DCLK3: variants seen among roughly 807,000 people sequenced by gnomAD.
DCLK3 encodes doublecortin like kinase 3.
In DCLK3, 30 loss-of-function variants were observed where a neutral mutation model predicts 46.4. The observed-to-expected ratio is 0.65, with a 90% confidence interval of 0.48 to 0.88. The LOEUF is 0.88. DCLK3 is among the 40% of genes least tolerant of loss of function. DCLK3 has a pLI of 0.00. For synonymous variants in DCLK3, 401 were observed against 339.2 expected (o/e 1.18, Z -2.00); for missense variants, 846 against 907.1 (o/e 0.93, Z 0.87).
intron 2 of DCLK3, among the ~76,000 whole-genome samples, chr3:36,735,471 T>C (rs1003075748): frequency 6.6e-6 from 1 of 152,226 alleles, no homozygotes; most frequent in African/African-American, 2.4e-5. Context: ...TAGTGGTCAA[T>C]GTAGACCTCA....
intron 2 of DCLK3, among the ~76,000 whole-genome samples, chr3:36,728,787 G>C (rs756891965): frequency 2.6e-5 from 4 of 152,040 alleles, no homozygotes; most frequent in Non-Finnish European, 4.4e-5. Context: ...ATATCCTATT[G>C]GTTCTGTCTC....
At chr3:36,743,386 A>C (rs941869158) in intron 1 of DCLK3, among the ~76,000 whole-genome samples, 3 of 152,156 alleles carry the variant, frequency 2.0e-5, no homozygotes, top group Non-Finnish European at 4.4e-5. Context: ...AGACTCACTC[A>C]ACCTGTATAA....
At position 36,713,441 on chromosome 3, in the gene DCLK3, G is replaced by C. The variant is rs1234283775; in HGVS notation, c.*1887C>G. On this transcript the variant is annotated 3_prime_UTR_variant, in exon 5 of 5. Coordinates refer to ENST00000636136, the MANE Select transcript of DCLK3 (RefSeq NM_001394672.2). ...TATGTTCTAGTAGCAACTGAATCCA[G>C]CTTCCAGCCTCTTTCACGTGTTCAG... is the stretch of plus-strand genomic sequence containing the variant. 1 of 152,216 alleles carries C rather than the reference G, an allele frequency of 6.6e-6. No homozygotes were observed. Among genetic ancestry groups the C allele is most frequent in the East Asian group, 1.9e-4 (1 of 5,194 alleles). The allele number at this position is 152,216 out of a possible 1,614,324, so 9.4% of individuals were successfully genotyped here.
intron 1 of DCLK3, among the ~76,000 whole-genome samples, chr3:36,753,548 G>A (rs1479495965): frequency 6.6e-6 from 1 of 152,182 alleles, no homozygotes; most frequent in Non-Finnish European, 1.5e-5. Context: ...GAACCAAGAA[G>A]CCTCTGCCGT....
chr3:36,719,110 A>ATT (rs1701025224), intron 3 of DCLK3, among the ~76,000 whole-genome samples: 2 of 152,148 alleles, frequency 1.3e-5, no homozygotes, highest in African/African-American at 4.8e-5. Context: ...GCTGTAAGGA[A>ATT]TTTTCTGATG....
rs5847933 is a variant in DCLK3 at position 36,751,063 on chromosome 3, T to TAAAAAAAAAAAAAAAAA, written c.83-11996_83-11980dup. Among the ~76,000 whole-genome samples the TAAAAAAAAAAAAAAAAA allele has an allele frequency of 6.3e-4, 48 of 76,494 alleles. 14 individuals carry two copies. The highest frequency in any genetic ancestry group is 8.4e-4 in the Non-Finnish European group (37 of 44,176). The allele number at this position is 76,494 out of a possible 152,430, so 50.2% of individuals were successfully genotyped here. ...TGATATCCCTGTAGACGGGATGATC[T>TAAAAAAAAAAAAAAAAA]AAAAAAAAAAAAAAAAAAAAAAACT... is the stretch of plus-strand genomic sequence containing the variant. On this transcript the variant is annotated intron_variant, in intron 1 of 4. Coordinates refer to ENST00000636136, the MANE Select transcript of DCLK3 (RefSeq NM_001394672.2).
At chr3:36,721,466 A>G (rs1701055174) in intron 3 of DCLK3, 61 bp downstream of exon 3, 1 of 1,581,604 alleles carries the variant, frequency 6.3e-7, no homozygotes. Context: ...AGTAAATATG[A>G]CAAATGAAAC....
chr3:36,745,574 T>A (rs1045447459), intron 1 of DCLK3, among the ~76,000 whole-genome samples: 8 of 152,222 alleles, frequency 5.3e-5, no homozygotes, highest in Non-Finnish European at 1.0e-4. Context: ...AAGGTGCCCC[T>A]GAAAATATTT....
chr3:36,729,480 G>A (rs1018011153), intron 2 of DCLK3, among the ~76,000 whole-genome samples: 2 of 152,182 alleles, frequency 1.3e-5, no homozygotes, highest in African/African-American at 2.4e-5. Flanking sequence ...ACACCAAAGT[G>A]TCATGCTTGG....
chr3:36,761,845 A>G (rs1575149725), intron 1 of DCLK3, among the ~76,000 whole-genome samples: 1 of 152,258 alleles, frequency 6.6e-6, no homozygotes, highest in South Asian at 2.1e-4. Context: ...TGCAGGATTG[A>G]GATTCCACCA....
rs756321935 is a variant in DCLK3 at position 36,738,687 on chromosome 3, G to A, written c.480C>T (p.Phe160=). ...CTATGAAAGCATCCCCTTCCCTGAA[G>A]AAATCAGAGACGCTCCTGATTTCCC... ...KGREIRSVSD[F]FREGDAFIAM... The change falls in exon 2 of 5, where the codon TTC becomes TTT. Residue 160 remains phenylalanine, a synonymous_variant. Transcript: ENST00000636136. 3.8e-6 allele frequency: 5 copies of A among 1,325,996 alleles called. No homozygotes were observed. The highest frequency in any genetic ancestry group is 4.9e-6 in the Non-Finnish European group (5 of 1,030,516). The allele number at this position is 1,325,996 out of a possible 1,614,324, so 82.1% of individuals were successfully genotyped here. A position where few individuals can be genotyped will look rare whatever the true frequency, so the allele number is the denominator to read the frequency against.
At chr3:36,751,924 A>G (rs1701445279) in intron 1 of DCLK3, among the ~76,000 whole-genome samples, 1 of 152,210 alleles carries the variant, frequency 6.6e-6, no homozygotes, top group African/African-American at 2.4e-5. Context: ...CCAAGCATGC[A>G]GTCAGGATTT....
chr3:36,761,164 A>G (rs1324444888), intron 1 of DCLK3, among the ~76,000 whole-genome samples: 1 of 152,186 alleles, frequency 6.6e-6, no homozygotes, highest in Non-Finnish European at 1.5e-5. Flanking sequence ...TGCTATCCAC[A>G]TCATGATGCC....
chr3:36,762,202 C>A (rs769710784), intron 1 of DCLK3, among the ~76,000 whole-genome samples: 5 of 152,266 alleles, frequency 3.3e-5, no homozygotes, highest in Middle Eastern at 3.4e-3. Flanking sequence ...GAAGGGAACA[C>A]CTTTTGTGAA....
intron 4 of DCLK3, among the ~76,000 whole-genome samples, chr3:36,717,697 A>G (rs1701001851): frequency 6.6e-6 from 1 of 152,216 alleles, no homozygotes; most frequent in Non-Finnish European, 1.5e-5. Context: ...ACTTCTGCAT[A>G]TAAGATGGCC....
rs1445875142 is a variant in DCLK3 at position 36,764,435 on chromosome 3, C to G, written c.-172G>C. Reference sequence around the variant, plus strand: ...CGCCGCCCGCCTGCCAGCCCCGCGCCGCGCAGCGCCCGGCGACAGCCACCG... The same window carrying G: ...CGCCGCCCGCCTGCCAGCCCCGCGCGGCGCAGCGCCCGGCGACAGCCACCG... On this transcript the variant is annotated 5_prime_UTR_variant, in exon 1 of 5. Transcript: ENST00000636136. The surrounding 1 kb of genome is among the most constrained non-coding windows in gnomAD (Gnocchi z 4.9). 3 of 168,192 alleles carry G rather than the reference C, an allele frequency of 1.8e-5. No individual in the cohort carries two copies. The highest frequency in any genetic ancestry group is 7.2e-5 in the African/African-American group (3 of 41,684). The allele number at this position is 168,192 out of a possible 1,614,324, so 10.4% of individuals were successfully genotyped here. A position where few individuals can be genotyped will look rare whatever the true frequency, so the allele number is the denominator to read the frequency against.
chr3:36,763,336 G>A (rs894422739), intron 1 of DCLK3, among the ~76,000 whole-genome samples: 4 of 152,228 alleles, frequency 2.6e-5, no homozygotes, highest in Non-Finnish European at 5.9e-5. Context: ...CCCCCTCCCA[G>A]CAGGCAGATA....
chr3:36,738,041 G>A lies in DCLK3; in HGVS notation c.1126C>T (p.Pro376Ser), dbSNP rs889883615. Residue 376 changes from proline (P) to serine (S), a missense_variant, in exon 2 of 5, where the codon CCC becomes TCC. Pro to Ser is a moderately conservative substitution (Grantham distance 74, BLOSUM62 -1). Coordinates refer to ENST00000636136, the MANE Select transcript of DCLK3 (RefSeq NM_001394672.2). ...GWKGDSHRSS[P>S]RNPTQELRRP... Reference sequence around the variant, plus strand: ...CTCAGCTCTTGAGTGGGATTCCTGGGGCTGCTCCTGTGGCTGTCACCCTTC... The same window carrying A: ...CTCAGCTCTTGAGTGGGATTCCTGGAGCTGCTCCTGTGGCTGTCACCCTTC... 22 of 1,613,806 alleles carry A rather than the reference G, an allele frequency of 1.4e-5. No individual in the cohort carries two copies. Among genetic ancestry groups the A allele is most frequent in the Non-Finnish European group, 1.7e-5 (20 of 1,179,952 alleles).
chr3:36,760,137 A>T (rs1476486522), intron 1 of DCLK3, among the ~76,000 whole-genome samples: 1 of 152,158 alleles, frequency 6.6e-6, no homozygotes, highest in Non-Finnish European at 1.5e-5. Context: ...ACTCAACAGC[A>T]GCAATTCCTA....
Sources: allele counts gnomAD v4.1 joint callset (sites outside exome capture counted in the v4.1 genomes callset), GRCh38; gene constraint gnomAD v4.1.1; non-coding constraint Gnocchi (gnomAD v3.1); transcripts MANE v1.5; gene names NCBI Gene and HGNC (gene_info 2026-07-23, HGNC 2026-07-21).